Variants in BLOC1S5 observed in about 807,000 individuals in gnomAD.
BLOC1S5 encodes biogenesis of lysosomal organelles complex 1 subunit 5.
In BLOC1S5, 27 loss-of-function variants were observed where a neutral mutation model predicts 24.3. That is an observed-to-expected ratio of 1.11 (90% CI 0.82 to 1.53). BLOC1S5 has a LOEUF of 1.53. Among genes scored for constraint, BLOC1S5 ranks in the 40% most tolerant of loss-of-function variants. The probability of loss-of-function intolerance (pLI) is 0.00; values close to 1 mark genes in which losing one functional copy is unlikely to be tolerated. For synonymous variants in BLOC1S5, 84 were observed against 74.5 expected, an observed-to-expected ratio of 1.13 and a Z score of -0.66; for missense variants, 239 against 229.4, an observed-to-expected ratio of 1.04 and a Z score of -0.27.
chr6:8,051,433 A>C (rs1268555311), intron 2 of BLOC1S5, among the ~76,000 whole-genome samples: 4 of 152,216 alleles, frequency 2.6e-5, no homozygotes, highest in African/African-American at 9.7e-5. Context: ...ATGAGATTTA[A>C]GGAAAGACAC....
Position 8,026,347 on chromosome 6 carries a change from T to A in BLOC1S5, c.384+20A>T. The A allele has an allele frequency of 6.4e-7, 1 of 1,569,212 alleles. No individual in the cohort carries two copies. The highest frequency in any genetic ancestry group is 8.8e-7 in the Non-Finnish European group (1 of 1,140,216). ...AAAGATGCAAGAATTATATGCCTCATTATCTAAATGATCTTTTACCTTTTT... is the reference window on the plus strand; with the variant it reads ...AAAGATGCAAGAATTATATGCCTCAATATCTAAATGATCTTTTACCTTTTT... On this transcript the variant is annotated intron_variant, in intron 4 of 4. Coordinates refer to ENST00000397457, the MANE Select transcript of BLOC1S5 (RefSeq NM_201280.3).
intron 4 of BLOC1S5, among the ~76,000 whole-genome samples, chr6:8,022,149 T>C (rs934964826): frequency 5.3e-5 from 8 of 151,212 alleles, no homozygotes; most frequent in African/African-American, 1.9e-4. Context: ...AGTCAGTGAT[T>C]TTCAATGGGG....
chr6:8,054,229 A>T, intron 2 of BLOC1S5: 1 of 445,458 alleles, frequency 2.2e-6, no homozygotes, highest in South Asian at 1.6e-5. Flanking sequence ...AATATTTACA[A>T]GGCAATCAAT....
At position 8,015,846 on chromosome 6, in the gene BLOC1S5, G is replaced by T; in HGVS notation, c.385-18C>A. On this transcript the variant is annotated intron_variant, in intron 4 of 4. Transcript: ENST00000397457. ...CTATGAATCTGAGAAAAGAAAATTA[G>T]AAAGTCACACGACATTTTCCAGACA... 2 of 1,587,936 alleles carry T rather than the reference G, an allele frequency of 1.3e-6. No homozygotes were observed. The highest frequency in any genetic ancestry group is 8.6e-7 in the Non-Finnish European group (1 of 1,168,308).
At chr6:8,016,696 G>A (rs1248694887) in intron 4 of BLOC1S5, among the ~76,000 whole-genome samples, 7 of 151,700 alleles carry the variant, frequency 4.6e-5, no homozygotes, top group Admixed American at 1.3e-4. Context: ...GCAGAACCCC[G>A]TCTCTACTAA....
intron 2 of BLOC1S5, among the ~76,000 whole-genome samples, chr6:8,046,743 A>T (rs1763912305): frequency 6.6e-6 from 1 of 151,206 alleles, no homozygotes; most frequent in South Asian, 2.1e-4. Context: ...TCAACTGTTA[A>T]ATATTTCAAC....
intron 1 of BLOC1S5, among the ~76,000 whole-genome samples, chr6:8,063,289 G>A (rs561810368): frequency 4.6e-5 from 7 of 152,240 alleles, no homozygotes; most frequent in African/African-American, 1.7e-4. Flanking sequence ...TTATTAAGGT[G>A]GGTGGTGAAT....
At chr6:8,046,536 C>T (rs1309862476) in intron 2 of BLOC1S5, among the ~76,000 whole-genome samples, 1 of 151,910 alleles carries the variant, frequency 6.6e-6, no homozygotes, top group Non-Finnish European at 1.5e-5. Context: ...TCTTATAAGG[C>T]CAGTTTCTGA....
At chr6:8,037,391 T>C (rs1286197511) in intron 3 of BLOC1S5, among the ~76,000 whole-genome samples, 1 of 151,738 alleles carries the variant, frequency 6.6e-6, no homozygotes, top group East Asian at 1.9e-4. Context: ...ACAAAGAACA[T>C]AAAATACCTA....
chr6:8,041,161 G>C lies in BLOC1S5; in HGVS notation c.303C>G (p.Ser101Arg). 2 of 1,604,324 alleles carry C rather than the reference G, an allele frequency of 1.2e-6. No individual in the cohort carries two copies. The highest frequency in any genetic ancestry group is 1.7e-6 in the Non-Finnish European group (2 of 1,176,084). Reference protein sequence around the residue: ...LPKCRDTMRDSLSQVLQRLQA... With the variant: ...LPKCRDTMRDRLSQVLQRLQA... Reference sequence around the variant, plus strand: ...CACATCTCTGGAGAACCTGGCTGAGGCTGTCCCGCATTGTGTCTCTACATT... The same window carrying C: ...CACATCTCTGGAGAACCTGGCTGAGCCTGTCCCGCATTGTGTCTCTACATT... The change falls in exon 3 of 5, where the codon AGC (serine) becomes AGG (arginine). Residue 101 changes from serine to arginine, a missense_variant. Ser to Arg is a moderately radical substitution (Grantham distance 110). Transcript: ENST00000397457.
chr6:8,058,558 C>G (rs576257135), intron 2 of BLOC1S5, among the ~76,000 whole-genome samples: 1 of 152,024 alleles, frequency 6.6e-6, no homozygotes, highest in Non-Finnish European at 1.5e-5. Flanking sequence ...ATTCAGAGGA[C>G]GGGTTACTGT....
At chr6:8,030,275 T>C (rs1244135232) in intron 3 of BLOC1S5, among the ~76,000 whole-genome samples, 1 of 151,996 alleles carries the variant, frequency 6.6e-6, no homozygotes, top group East Asian at 2.0e-4. Flanking sequence ...TTCTCCTGCC[T>C]CAGCCTCCTG....
At chr6:8,058,726 T>C (rs1402772126) in intron 2 of BLOC1S5, among the ~76,000 whole-genome samples, 4 of 152,156 alleles carry the variant, frequency 2.6e-5, no homozygotes, top group Non-Finnish European at 4.4e-5. Flanking sequence ...TGTAAGCATA[T>C]GGACAAAGGC....
At chr6:8,024,710 C>T (rs1050945192) in intron 4 of BLOC1S5, among the ~76,000 whole-genome samples, 4 of 152,044 alleles carry the variant, frequency 2.6e-5, no homozygotes, top group African/African-American at 4.8e-5. Flanking sequence ...GGTGACCGCT[C>T]GCATCTTAAA....
intron 3 of BLOC1S5, among the ~76,000 whole-genome samples, chr6:8,038,608 C>T (rs4960375): frequency 0.2 from 30,750 of 152,128 alleles, 3,398 homozygotes; most frequent in African/African-American, 0.28. Flanking sequence ...CCTCAGCCTC[C>T]TGAGTAGCTG....
In BLOC1S5 at chr6:8,041,197, A is replaced by G; in HGVS notation, c.267T>C (p.His89=). The change falls in exon 3 of 5, where the codon CAT becomes CAC. Residue 89 remains histidine (H), a synonymous_variant. Transcript: ENST00000397457. ...LKNMIHETNE[H]TLPKCRDTMR... Reference sequence around the variant, plus strand: ...TTGTGTCTCTACATTTGGGAAGAGTATGTTCATTTGTTTCATGGATCATGT... The same window carrying G: ...TTGTGTCTCTACATTTGGGAAGAGTGTGTTCATTTGTTTCATGGATCATGT... 3.1e-6 allele frequency: 5 copies of G among 1,612,098 alleles called. No homozygotes were observed. The highest frequency in any genetic ancestry group is 3.4e-6 in the Non-Finnish European group (4 of 1,179,200).
chr6:8,046,107 G>A (rs892575559), intron 2 of BLOC1S5, among the ~76,000 whole-genome samples: 15 of 152,170 alleles, frequency 9.9e-5, no homozygotes, highest in African/African-American at 3.6e-4. Context: ...CCCAGGGGGA[G>A]GTAATTGAAT....
chr6:8,015,553 A>T lies in BLOC1S5; in HGVS notation c.*96T>A. 1 of 1,238,782 alleles carries T rather than the reference A, an allele frequency of 8.1e-7. No homozygotes were observed. The highest frequency in any genetic ancestry group is 1.1e-6 in the Non-Finnish European group (1 of 893,794). The allele number at this position is 1,238,782 out of a possible 1,614,324, so 76.7% of individuals were successfully genotyped here. A position where few individuals can be genotyped will look rare whatever the true frequency, so the allele number is the denominator to read the frequency against. ...TAAGAGTGCCACTGAATATATTGCT[A>T]AGCTTGAAGCAGAGGCTAAACGGTC... On this transcript the variant is annotated 3_prime_UTR_variant, in exon 5 of 5. Transcript: ENST00000397457.
chr6:8,053,623 T>A (rs565347942), intron 2 of BLOC1S5, among the ~76,000 whole-genome samples: 1 of 152,326 alleles, frequency 6.6e-6, no homozygotes, highest in Admixed American at 6.5e-5. Context: ...ACCCAAGAAA[T>A]TTGTTTAACT....
Sources: gnomAD v4.1 joint callset for allele counts (sites outside exome capture counted in the v4.1 genomes callset) on GRCh38, gnomAD v4.1.1 for gene constraint, MANE v1.5 for transcripts, NCBI Gene and HGNC (gene_info 2026-07-23, HGNC 2026-07-21) for gene names.